The following PSME4 variants were observed in gnomAD, a reference collection of about 807,000 sequenced individuals.
PSME4 encodes the protein proteasome activator subunit 4.
PSME4 carries 89 observed loss-of-function variants against 253.9 expected under a neutral mutation model. That is an observed-to-expected ratio of 0.35 (90% CI 0.30 to 0.42). The LOEUF (loss-of-function observed/expected upper bound fraction) is 0.42, where lower values mean the gene tolerates loss of function less well. Among genes scored for constraint, PSME4 ranks in the 10% least tolerant of loss-of-function variants. PSME4 has a pLI of 1.00. For synonymous variants in PSME4, 851 were observed against 759.2 expected (o/e 1.12, Z -1.99); for missense variants, 2,014 against 2,195.2 (o/e 0.92, Z 1.65).
intron 44 of PSME4, among the ~76,000 whole-genome samples, chr2:53,867,827 G>C (rs947675459): frequency 2.0e-5 from 3 of 151,460 alleles, no homozygotes; most frequent in African/African-American, 7.3e-5. Flanking sequence ...CCCCTACCCA[G>C]AATACATCAA....
At chr2:53,945,482 G>T (rs1166796694) in intron 3 of PSME4, among the ~76,000 whole-genome samples, 1 of 152,130 alleles carries the variant, frequency 6.6e-6, no homozygotes, top group Admixed American at 6.5e-5. Flanking sequence ...CAAAAAGACA[G>T]ACAGAAAGCT....
rs1207977548 is a variant in PSME4 at position 53,923,074 on chromosome 2, G to A, written c.1953C>T (p.Cys651=). The A allele has an allele frequency of 6.2e-7, 1 of 1,605,004 alleles. No homozygotes were observed. Among genetic ancestry groups the A allele is most frequent in the East Asian group, 2.2e-5 (1 of 44,680 alleles). Residue 651 remains cysteine, a synonymous_variant, in exon 16 of 47, where the codon TGC becomes TGT. Coordinates refer to ENST00000404125, the MANE Select transcript of PSME4 (RefSeq NM_014614.3). The part of the protein sequence containing the change: ...ESLKLFVPHC[C]SVITQLTMND... ...TCATTGTAAGCTGAGTTATAACACTGCAGCAGTGGGGAACAAAGAGCTTCA... is the reference window on the plus strand; with the variant it reads ...TCATTGTAAGCTGAGTTATAACACTACAGCAGTGGGGAACAAAGAGCTTCA...
chr2:53,918,474 TG>T (rs1469173312), intron 20 of PSME4, among the ~76,000 whole-genome samples: 3 of 152,126 alleles, frequency 2.0e-5, no homozygotes, highest in African/African-American at 7.2e-5. Flanking sequence ...CCACCTCAGC[TG>T]GGACTACAGG....
chr2:53,959,356 C>T (rs962871950), intron 1 of PSME4, among the ~76,000 whole-genome samples: 2 of 151,916 alleles, frequency 1.3e-5, no homozygotes, highest in Non-Finnish European at 2.9e-5. Flanking sequence ...CAGAGCGAGA[C>T]TCTGTCTCAA....
intron 41 of PSME4, among the ~76,000 whole-genome samples, chr2:53,885,383 T>C (rs556395194): frequency 1.8e-4 from 27 of 152,352 alleles, no homozygotes; most frequent in African/African-American, 5.8e-4. Context: ...AAAATTTCTT[T>C]GTAGCTTTTC....
intron 9 of PSME4, among the ~76,000 whole-genome samples, 170 bp downstream of exon 9, chr2:53,932,498 T>G (rs966209737): frequency 1.3e-5 from 2 of 152,216 alleles, no homozygotes; most frequent in Non-Finnish European, 2.9e-5. Context: ...TATTATTTAT[T>G]TAATTTATAT....
intron 1 of PSME4, among the ~76,000 whole-genome samples, chr2:53,950,418 G>C (rs1341577381): frequency 6.6e-6 from 1 of 152,118 alleles, no homozygotes; most frequent in Non-Finnish European, 1.5e-5. Context: ...GTTTCTAACA[G>C]TTAACTTATA....
chr2:53,942,502 G>T (rs750529195), intron 3 of PSME4, among the ~76,000 whole-genome samples: 41 of 151,990 alleles, frequency 2.7e-4, no homozygotes, highest in Non-Finnish European at 5.1e-4. Context: ...ATGGTTTACA[G>T]TTTGGCCTTA....
At chr2:53,870,138 A>G (rs1227454171) in intron 43 of PSME4, 3 of 152,250 alleles carry the variant, frequency 2.0e-5, no homozygotes, top group Non-Finnish European at 4.4e-5. Context: ...TGTTTCACAT[A>G]TAAATCACAA....
intron 1 of PSME4, among the ~76,000 whole-genome samples, chr2:53,968,863 A>C (rs1229127209): frequency 6.6e-6 from 1 of 152,264 alleles, no homozygotes; most frequent in East Asian, 1.9e-4. Flanking sequence ...CAAACTTGTT[A>C]ACAATAAATA....
chr2:53,931,008 T>C (rs1331340966), intron 10 of PSME4, among the ~76,000 whole-genome samples: 1 of 152,250 alleles, frequency 6.6e-6, no homozygotes, highest in East Asian at 1.9e-4. Context: ...CCGGGCACAG[T>C]GGCTCACACC....
At chr2:53,866,910 A>C (rs1678591503) in intron 44 of PSME4, 30 bp from the exon 45 acceptor site, 1 of 1,604,038 alleles carries the variant, frequency 6.2e-7, no homozygotes, top group Non-Finnish European at 8.5e-7. Flanking sequence ...ATTTGTGCAA[A>C]TATATATATG....
intron 3 of PSME4, among the ~76,000 whole-genome samples, chr2:53,940,968 T>A (rs1382395098): frequency 0.016 from 1,098 of 70,494 alleles, 114 homozygotes; most frequent in African/African-American, 0.045. Flanking sequence ...TATATATATA[T>A]ATATATATAT....
intron 41 of PSME4, among the ~76,000 whole-genome samples, chr2:53,884,943 A>G (rs1679567470): frequency 6.6e-6 from 1 of 152,338 alleles, no homozygotes; most frequent in Non-Finnish European, 1.5e-5. Context: ...ATAGCAAATC[A>G]AAAGTTTAGC....
chr2:53,900,061 G>T (rs764617007), intron 28 of PSME4, 44 bp from the exon 29 acceptor site: 2 of 1,554,600 alleles, frequency 1.3e-6, no homozygotes, highest in Admixed American at 3.5e-5. Flanking sequence ...AAGTTCTGAT[G>T]CATACTACCT....
chr2:53,926,339 G>C (rs1198050717), intron 12 of PSME4, among the ~76,000 whole-genome samples: 3 of 152,146 alleles, frequency 2.0e-5, no homozygotes, highest in Non-Finnish European at 4.4e-5. Context: ...CTCACTACCT[G>C]AATGTCCAGA....
At chr2:53,929,773 T>A (rs1041808222) in intron 10 of PSME4, among the ~76,000 whole-genome samples, 1 of 152,072 alleles carries the variant, frequency 6.6e-6, no homozygotes, top group Non-Finnish European at 1.5e-5. Flanking sequence ...ATCCCAGCAC[T>A]TTGGGAGGCC....
At position 53,874,359 on chromosome 2, in the gene PSME4, A is replaced by G; in HGVS notation, c.5080T>C (p.Leu1694=). The stretch of plus-strand genomic sequence containing the variant: ...TTTACCTCCAGTTGTTCGTCCTCCA[A>G]AAGACTTATAACCAGCCACCTGATA... ...KDIRWLVISL[L]EDEQLEVREM... is the part of the protein sequence containing the mutation. The change falls in exon 43 of 47, where the codon TTG becomes CTG. Residue 1694 remains leucine (L), a synonymous_variant. Transcript: ENST00000404125. 1.9e-6 allele frequency: 3 copies of G among 1,612,142 alleles called. No homozygotes were observed. The highest frequency in any genetic ancestry group is 2.5e-6 in the Non-Finnish European group (3 of 1,179,598).
At chr2:53,936,497 G>C (rs895607330) in intron 6 of PSME4, among the ~76,000 whole-genome samples, 1 of 151,962 alleles carries the variant, frequency 6.6e-6, no homozygotes, top group African/African-American at 2.4e-5. Context: ...AAAACAATGG[G>C]ATCTTACATT....
Sources: allele counts gnomAD v4.1 joint callset (sites outside exome capture counted in the v4.1 genomes callset), GRCh38; gene constraint gnomAD v4.1.1; transcripts MANE v1.5; gene names NCBI Gene and HGNC (gene_info 2026-07-23, HGNC 2026-07-21).